The following WWOX variants were observed in gnomAD, a reference collection of about 807,000 sequenced individuals.
WWOX encodes the protein WW domain containing oxidoreductase.
WWOX carries 69 observed loss-of-function variants against 46.2 expected under a neutral mutation model. The observed-to-expected ratio is 1.49, with a 90% CI of 1.23 to 1.82. The LOEUF is 1.82. Among genes scored for constraint, WWOX ranks in the 40% most tolerant of loss-of-function variants. The pLI is 0.00. For missense variants in WWOX, 919 were observed against 542.6 expected (o/e 1.69, Z -6.89); for synonymous variants, 359 against 202.6 (o/e 1.77, Z -6.56).
chr16:78,164,480 T>G (rs2034908478), intron 5 of WWOX, among the ~76,000 whole-genome samples, 191 bp downstream of exon 5: 1 of 152,242 alleles, frequency 6.6e-6, no homozygotes, highest in African/African-American at 2.4e-5. Flanking sequence ...CGCATTTGTT[T>G]GTAGTTCATT....
intron 8 of WWOX, among the ~76,000 whole-genome samples, chr16:78,860,835 G>GTTTGT (rs1032298348): frequency 1.3e-5 from 2 of 152,042 alleles, no homozygotes; most frequent in African/African-American, 2.4e-5. Flanking sequence ...TCTCCCAGGT[G>GTTTGT]TTTGTTTTGT....
chr16:78,160,376 C>T (rs556923293), intron 4 of WWOX, among the ~76,000 whole-genome samples: 5 of 152,128 alleles, frequency 3.3e-5, no homozygotes, highest in Non-Finnish European at 7.4e-5. Context: ...CCACCCGCCT[C>T]GGCCACCCCG....
intron 5 of WWOX, among the ~76,000 whole-genome samples, chr16:78,366,852 A>G (rs2081545808): frequency 6.6e-6 from 1 of 151,944 alleles, no homozygotes; most frequent in Admixed American, 6.6e-5. Context: ...ACATATAGAA[A>G]CTGTTCCTAT....
chr16:78,971,982 C>T (rs1403620529), intron 8 of WWOX, among the ~76,000 whole-genome samples: 5 of 152,234 alleles, frequency 3.3e-5, no homozygotes, highest in Middle Eastern at 3.4e-3. Flanking sequence ...CTTCCCAGGC[C>T]GAGGTAGGAG....
intron 5 of WWOX, among the ~76,000 whole-genome samples, chr16:78,322,622 A>T (rs2080510522): frequency 6.6e-6 from 1 of 152,232 alleles, no homozygotes; most frequent in Non-Finnish European, 1.5e-5. Flanking sequence ...AAATCTTCTG[A>T]AGCAACTCTT....
intron 5 of WWOX, among the ~76,000 whole-genome samples, chr16:78,369,200 T>G (rs1363837251): frequency 1.3e-5 from 2 of 152,176 alleles, no homozygotes; most frequent in African/African-American, 4.8e-5. Flanking sequence ...GTGCTAGACA[T>G]TATTCTGAGT....
chr16:79,152,920 G>A (rs940375737), intron 8 of WWOX, among the ~76,000 whole-genome samples: 3 of 152,140 alleles, frequency 2.0e-5, no homozygotes, highest in African/African-American at 7.2e-5. Flanking sequence ...TGGGCTCCGG[G>A]TCTAGGAGAC....
chr16:78,178,773 A>G (rs2035432522), intron 5 of WWOX, among the ~76,000 whole-genome samples: 1 of 151,894 alleles, frequency 6.6e-6, no homozygotes, highest in South Asian at 2.1e-4. Context: ...CTGAGGCAGG[A>G]GAATCCCTTG....
intron 8 of WWOX, among the ~76,000 whole-genome samples, chr16:78,902,858 C>A (rs1025307061): frequency 1.3e-5 from 2 of 152,142 alleles, no homozygotes; most frequent in Admixed American, 6.5e-5. Flanking sequence ...TTTTAGCTTC[C>A]CATCTAAAAT....
intron 5 of WWOX, among the ~76,000 whole-genome samples, chr16:78,182,477 C>G (rs776855170): frequency 6.6e-6 from 1 of 151,946 alleles, no homozygotes. Flanking sequence ...CTTTTCCTCC[C>G]CACATCTGCC....
intron 2 of WWOX, among the ~76,000 whole-genome samples, chr16:78,109,355 G>A (rs2032352357): frequency 6.6e-6 from 1 of 151,982 alleles, no homozygotes; most frequent in Admixed American, 6.6e-5. Flanking sequence ...GCCCTTAAGA[G>A]GTTTAGGATC....
chr16:78,593,863 A>G (rs1284867665), intron 8 of WWOX, among the ~76,000 whole-genome samples: 2 of 152,204 alleles, frequency 1.3e-5, no homozygotes, highest in Non-Finnish European at 2.9e-5. Flanking sequence ...GCTGGGCCAT[A>G]CATTTGTAAG....
At chr16:78,916,830 G>C (rs1297461484) in intron 8 of WWOX, among the ~76,000 whole-genome samples, 1 of 152,192 alleles carries the variant, frequency 6.6e-6, no homozygotes, top group Non-Finnish European at 1.5e-5. Context: ...GAAGTTGCCA[G>C]TGTTAAACCC....
intron 8 of WWOX, among the ~76,000 whole-genome samples, chr16:78,846,144 A>T (rs1209726321): frequency 6.6e-6 from 1 of 152,186 alleles, no homozygotes; most frequent in Non-Finnish European, 1.5e-5. Flanking sequence ...TCCAGTTTTT[A>T]AATTTTGAAA....
intron 8 of WWOX, among the ~76,000 whole-genome samples, chr16:78,651,657 C>G (rs1384565628): frequency 1.3e-5 from 2 of 152,224 alleles, no homozygotes; most frequent in African/African-American, 2.4e-5. Context: ...CAGGCCATGA[C>G]CACTGCCTCC....
intron 8 of WWOX, among the ~76,000 whole-genome samples, chr16:78,768,870 C>CCCGCCAATG (rs1156394246): frequency 2.6e-5 from 4 of 152,084 alleles, no homozygotes; most frequent in African/African-American, 9.7e-5. Flanking sequence ...GAGAGCATGA[C>CCCGCCAATG]CCGCCAATGC....
At chr16:78,368,134 A>T (rs186825739) in intron 5 of WWOX, among the ~76,000 whole-genome samples, 1 of 152,302 alleles carries the variant, frequency 6.6e-6, no homozygotes, top group Admixed American at 6.5e-5. Context: ...AACTAGAAGT[A>T]ATTATGTCAA....
intron 8 of WWOX, among the ~76,000 whole-genome samples, chr16:78,603,675 C>G (rs1309268813): frequency 6.6e-6 from 1 of 152,054 alleles, no homozygotes; most frequent in Non-Finnish European, 1.5e-5. Context: ...ACCTGGGCAA[C>G]AGAGTGAGAC....
chr16:78,592,925 G>T (rs1176575917), intron 8 of WWOX, among the ~76,000 whole-genome samples: 1 of 152,140 alleles, frequency 6.6e-6, no homozygotes, highest in Non-Finnish European at 1.5e-5. Context: ...CCCTTTTGAA[G>T]AGCTTTCTAA....
Sources: allele counts gnomAD v4.1 joint callset (sites outside exome capture counted in the v4.1 genomes callset), GRCh38; gene constraint gnomAD v4.1.1; transcripts MANE v1.5; gene names NCBI Gene and HGNC (gene_info 2026-07-23, HGNC 2026-07-21).